CCDC73: variants seen among roughly 807,000 people sequenced by gnomAD.
CCDC73 encodes the protein coiled-coil domain containing 73.
CCDC73 carries 95 observed loss-of-function variants against 116.5 expected under a neutral mutation model. The ratio of observed to expected loss-of-function variants is 0.82; its 90% CI spans 0.69 to 0.97. The LOEUF is 0.97. CCDC73 is among the 50% of genes least tolerant of loss of function. The pLI is 0.00. For synonymous variants in CCDC73, 398 were observed against 401.3 expected, an observed-to-expected ratio of 0.99 and a Z score of 0.10; for missense variants, 1,066 against 1,206.8, an observed-to-expected ratio of 0.88 and a Z score of 1.73.
At chr11:32,776,960 T>TAC (rs61055031) in intron 1 of CCDC73, among the ~76,000 whole-genome samples, 4,513 of 37,782 alleles carry the variant, frequency 0.12, 112 homozygotes, top group East Asian at 0.22. Context: ...TATATATATA[T>TAC]ACACACACAC....
intron 6 of CCDC73, among the ~76,000 whole-genome samples, chr11:32,690,863 A>G (rs914976621): frequency 2.0e-5 from 3 of 152,158 alleles, no homozygotes; most frequent in Admixed American, 2.0e-4. Context: ...CTACACTGAC[A>G]TCGTTATCAC....
chr11:32,609,778 G>A (rs1297846207), intron 17 of CCDC73, among the ~76,000 whole-genome samples: 1 of 151,874 alleles, frequency 6.6e-6, no homozygotes, highest in Admixed American at 6.6e-5. Context: ...GAAGGCAAAG[G>A]CAATTTTTTT....
At chr11:32,725,786 C>G (rs186721867) in intron 2 of CCDC73, among the ~76,000 whole-genome samples, 19 of 152,184 alleles carry the variant, frequency 1.2e-4, no homozygotes, top group African/African-American at 3.9e-4. Flanking sequence ...CAAGATCATA[C>G]AGAGAAGAGA....
Position 32,602,884 on chromosome 11 carries a change from CT to C in CCDC73, c.3166del (p.Ser1056ValfsTer2). ...CTTTGGCTGGTTGTCATTTTCTAAA[CT>C]TAGTAAATTTTCACTTTTATTTAGT... Reference protein sequence around the residue: ...NQLNKSENLLSLENDNQPKKR... With the variant: ...NQLNKSENLLXLENDNQPKKR... On this transcript the variant is annotated frameshift_variant, in exon 18 of 18. Coordinates refer to ENST00000335185, the MANE Select transcript of CCDC73 (RefSeq NM_001008391.4). LOFTEE classifies it high-confidence loss of function. 6.2e-7 allele frequency: 1 copy of C among 1,611,716 alleles called. No individual in the cohort carries two copies. Among genetic ancestry groups the C allele is most frequent in the Non-Finnish European group, 8.5e-7 (1 of 1,179,078 alleles).
At chr11:32,784,931 T>C (rs1467303386) in intron 1 of CCDC73, among the ~76,000 whole-genome samples, 2 of 152,324 alleles carry the variant, frequency 1.3e-5, no homozygotes, top group Non-Finnish European at 1.5e-5. Flanking sequence ...CCCAGCACTT[T>C]GGGATGCCAA....
chr11:32,725,483 G>T (rs1472817673), intron 2 of CCDC73, among the ~76,000 whole-genome samples: 3 of 152,074 alleles, frequency 2.0e-5, no homozygotes, highest in Non-Finnish European at 4.4e-5. Flanking sequence ...ATATCTTGTT[G>T]TCCTACCTAC....
At chr11:32,700,984 T>C (rs555328521) in intron 4 of CCDC73, among the ~76,000 whole-genome samples, 158 bp from the exon 5 acceptor site, 2 of 152,242 alleles carry the variant, frequency 1.3e-5, no homozygotes, top group East Asian at 1.9e-4. Context: ...ATAATAATGA[T>C]ATAAAACGAG....
At chr11:32,693,228 T>C (rs1349433396) in intron 6 of CCDC73, among the ~76,000 whole-genome samples, 9 of 152,196 alleles carry the variant, frequency 5.9e-5, no homozygotes, top group Non-Finnish European at 1.2e-4. Context: ...GAGAAGTAAG[T>C]AACTAGCAAA....
At chr11:32,659,687 A>G (rs753591546) in intron 9 of CCDC73, among the ~76,000 whole-genome samples, 23 of 152,226 alleles carry the variant, frequency 1.5e-4, no homozygotes, top group Non-Finnish European at 2.2e-4. Flanking sequence ...AGCTATAAAT[A>G]TCAGAAAACC....
At chr11:32,721,862 G>T (rs1488981257) in intron 2 of CCDC73, among the ~76,000 whole-genome samples, 6 of 152,102 alleles carry the variant, frequency 3.9e-5, no homozygotes, top group Admixed American at 3.3e-4. Flanking sequence ...CTCCCAAAGT[G>T]CTGGGATTAC....
intron 6 of CCDC73, among the ~76,000 whole-genome samples, chr11:32,694,350 A>C (rs1380929133): frequency 1.3e-5 from 2 of 152,334 alleles, no homozygotes; most frequent in Non-Finnish European, 2.9e-5. Flanking sequence ...CTAGGAATCC[A>C]ATTTACAAGG....
chr11:32,664,593 G>T (rs1023204615), intron 9 of CCDC73, among the ~76,000 whole-genome samples: 1 of 151,984 alleles, frequency 6.6e-6, no homozygotes, highest in African/African-American at 2.4e-5. Flanking sequence ...GGCTTGCTGG[G>T]GTCTATCAAT....
chr11:32,766,023 A>G (rs1258897129), intron 1 of CCDC73, among the ~76,000 whole-genome samples: 6 of 152,250 alleles, frequency 3.9e-5, no homozygotes, highest in Non-Finnish European at 8.8e-5. Context: ...ATTTTAGGCC[A>G]ATATCCTTAA....
intron 2 of CCDC73, among the ~76,000 whole-genome samples, chr11:32,727,616 A>G (rs1407527999): frequency 6.6e-6 from 1 of 151,994 alleles, no homozygotes; most frequent in Non-Finnish European, 1.5e-5. Flanking sequence ...TCTGTCCCCC[A>G]GGCTGGAGCG....
intron 12 of CCDC73, among the ~76,000 whole-genome samples, chr11:32,650,282 C>T (rs965890238): frequency 1.3e-5 from 2 of 152,128 alleles, no homozygotes; most frequent in Non-Finnish European, 2.9e-5. Context: ...ATTAGAATCA[C>T]GACAGATTTA....
At chr11:32,828,417 G>A in the CCDC73 span, among the ~76,000 whole-genome samples, 3 of 151,730 alleles carry the variant, frequency 2.0e-5, no homozygotes, top group African/African-American at 7.3e-5. Flanking sequence ...GGCTGAGGCA[G>A]GAGAATCGCT....
the CCDC73 span, among the ~76,000 whole-genome samples, chr11:32,802,903 C>G: frequency 6.6e-6 from 1 of 151,704 alleles, no homozygotes; most frequent in Non-Finnish European, 1.5e-5. Context: ...CAGGTGTGCA[C>G]CACCATGCCC....
intron 2 of CCDC73, among the ~76,000 whole-genome samples, chr11:32,747,639 C>T (rs1302572580): frequency 6.6e-6 from 1 of 152,202 alleles, no homozygotes. Context: ...GAACCACCTA[C>T]TCAAGCCTCA....
chr11:32,653,296 C>T (rs1198467999), intron 11 of CCDC73, 69 bp from the exon 12 acceptor site: 2 of 970,064 alleles, frequency 2.1e-6, no homozygotes, highest in Middle Eastern at 2.3e-4. Flanking sequence ...TCATTCTTCA[C>T]ATACATTTTC....
Sources: allele counts gnomAD v4.1 joint callset (sites outside exome capture counted in the v4.1 genomes callset), GRCh38; gene constraint gnomAD v4.1.1; transcripts MANE v1.5; gene names NCBI Gene and HGNC (gene_info 2026-07-23, HGNC 2026-07-21).